NUBPL: variants seen among roughly 807,000 people sequenced by gnomAD.
NUBPL encodes the protein NUBP iron-sulfur cluster assembly factor, mitochondrial.
Under a neutral mutation model 45.7 loss-of-function variants are expected in NUBPL, and 31 were observed. The ratio of observed to expected loss-of-function variants is 0.68; its 90% CI spans 0.51 to 0.92. The LOEUF is 0.92. Ranked by LOEUF, NUBPL falls within the 40% of genes least tolerant of loss-of-function variation. NUBPL has a pLI of 0.00. For missense variants in NUBPL, 401 were observed against 398.7 expected, an observed-to-expected ratio of 1.01 and a Z score of -0.05; for synonymous variants, 144 against 140.9, an observed-to-expected ratio of 1.02 and a Z score of -0.15.
chr14:31,800,772 G>C (rs2138863428), intron 7 of NUBPL: 1 of 152,206 alleles, frequency 6.6e-6, no homozygotes, highest in African/African-American at 2.4e-5. Flanking sequence ...TTCAACTCTT[G>C]GAATTAAGTA....
chr14:31,667,075 C>A (rs2036449952), intron 4 of NUBPL, among the ~76,000 whole-genome samples: 1 of 152,030 alleles, frequency 6.6e-6, no homozygotes, highest in Non-Finnish European at 1.5e-5. Context: ...GTTTGTATTT[C>A]CTGAATTTGA....
chr14:31,639,552 G>T (rs2139691982), intron 4 of NUBPL, among the ~76,000 whole-genome samples: 1 of 152,290 alleles, frequency 6.6e-6, no homozygotes, highest in South Asian at 2.1e-4. Context: ...CACTTGAGGA[G>T]GCAGTCTGCC....
intron 6 of NUBPL, among the ~76,000 whole-genome samples, chr14:31,743,510 G>T (rs1404799821): frequency 6.6e-6 from 1 of 152,070 alleles, no homozygotes; most frequent in Non-Finnish European, 1.5e-5. Flanking sequence ...CTCTCAAGTA[G>T]CTGGGATTAC....
At chr14:31,758,678 A>C (rs930543453) in intron 6 of NUBPL, among the ~76,000 whole-genome samples, 15 of 152,342 alleles carry the variant, frequency 9.8e-5, no homozygotes, top group African/African-American at 3.4e-4. Flanking sequence ...GAAACACCTT[A>C]GAAATAAATG....
intron 4 of NUBPL, among the ~76,000 whole-genome samples, chr14:31,624,559 CTTTATTTA>C (rs998742075): frequency 2.0e-5 from 3 of 151,878 alleles, no homozygotes; most frequent in East Asian, 3.9e-4. Flanking sequence ...TGACTAAAGA[CTTTATTTA>C]TTTATTTATT....
At chr14:31,844,002 A>G (rs1316173204) in intron 8 of NUBPL, 1 of 152,226 alleles carries the variant, frequency 6.6e-6, no homozygotes, top group African/African-American at 2.4e-5. Context: ...AGTTACTGGC[A>G]TATATTAAGA....
intron 4 of NUBPL, among the ~76,000 whole-genome samples, chr14:31,667,345 T>C (rs1402672145): frequency 6.6e-6 from 1 of 151,956 alleles, no homozygotes; most frequent in South Asian, 2.1e-4. Context: ...TCAATTCGAC[T>C]ATTGATACTT....
At chr14:31,770,249 A>G (rs1595606223) in intron 6 of NUBPL, among the ~76,000 whole-genome samples, 1 of 152,160 alleles carries the variant, frequency 6.6e-6, no homozygotes, top group South Asian at 2.1e-4. Flanking sequence ...GAGTTTTATT[A>G]TTACTCATAT....
At chr14:31,789,759 A>C (rs562844523) in intron 7 of NUBPL, among the ~76,000 whole-genome samples, 1 of 152,276 alleles carries the variant, frequency 6.6e-6, no homozygotes, top group South Asian at 2.1e-4. Flanking sequence ...GTATAGCCTC[A>C]TTAATAGAGA....
At chr14:31,643,357 A>T (rs1384359415) in intron 4 of NUBPL, among the ~76,000 whole-genome samples, 1 of 152,128 alleles carries the variant, frequency 6.6e-6, no homozygotes, top group East Asian at 1.9e-4. Flanking sequence ...TTTTTATCAT[A>T]AAGGGATGTT....
intron 4 of NUBPL, 33 bp from the exon 5 acceptor site, chr14:31,673,322 T>A: frequency 6.5e-7 from 1 of 1,545,586 alleles, no homozygotes; most frequent in Non-Finnish European, 8.7e-7. Flanking sequence ...TGTGTTTTAT[T>A]GTTCTAAAAG....
intron 6 of NUBPL, among the ~76,000 whole-genome samples, chr14:31,674,438 A>C (rs1410376364): frequency 6.6e-6 from 1 of 152,096 alleles, no homozygotes; most frequent in East Asian, 1.9e-4. Flanking sequence ...TGCTGCTTGA[A>C]TTGTGATAAA....
chr14:31,788,484 T>C (rs1330425550), intron 7 of NUBPL, among the ~76,000 whole-genome samples: 1 of 152,198 alleles, frequency 6.6e-6, no homozygotes, highest in Non-Finnish European at 1.5e-5. Flanking sequence ...TCTCTTACTC[T>C]GAGTTGATGC....
At chr14:31,850,262 A>G in intron 10 of NUBPL, 61 bp downstream of exon 10, 1 of 1,309,776 alleles carries the variant, frequency 7.6e-7, no homozygotes, top group East Asian at 2.3e-5. Context: ...AAATACAGAA[A>G]GAAAGTTGGG....
Position 31,746,684 on chromosome 14 carries a change from G to C in NUBPL, c.514-41096G>C, listed in dbSNP as rs576791682. Among the ~76,000 whole-genome samples, 3 of 152,072 alleles carry C rather than the reference G, an allele frequency of 2.0e-5. 1 individual carries two copies. In the South Asian group the frequency reaches 6.2e-4, roughly 32 times the overall value. On this transcript the variant is annotated intron_variant, in intron 6 of 10. Coordinates refer to ENST00000281081, the MANE Select transcript of NUBPL (RefSeq NM_025152.3). The stretch of plus-strand genomic sequence containing the variant: ...CTTGTTTGGTTTTGGTATCAGAGTA[G>C]TGCTGATACCAGACTCATAGAATGA...
chr14:31,760,144 T>TGTGTGTGTGAGAGAGAGA lies in NUBPL; in HGVS notation c.514-27635_514-27634insTGTGTGTGAGAGAGAGAG. On this transcript the variant is annotated intron_variant, in intron 6 of 10. Coordinates refer to ENST00000281081, the MANE Select transcript of NUBPL (RefSeq NM_025152.3). ...TGACTTTAGTGTGTGTGTGTGTGTG[T>TGTGTGTGTGAGAGAGAGA]GAGAGAGAGAGAGAGAGAGAGAGAG... is the stretch of plus-strand genomic sequence containing the variant. Among the ~76,000 whole-genome samples, 22 of 34,842 alleles carry TGTGTGTGTGAGAGAGAGA rather than the reference T, an allele frequency of 6.3e-4. 1 individual carries two copies. Among genetic ancestry groups the TGTGTGTGTGAGAGAGAGA allele is most frequent in the African/African-American group, 1.7e-3 (16 of 9,258 alleles). The allele number at this position is 34,842 out of a possible 152,430, so 22.9% of individuals were successfully genotyped here.
intron 4 of NUBPL, among the ~76,000 whole-genome samples, chr14:31,623,571 G>A (rs911057076): frequency 6.6e-5 from 10 of 152,096 alleles, no homozygotes; most frequent in Non-Finnish European, 1.0e-4. Context: ...TAATGAGTGA[G>A]CCCCTGTCTC....
chr14:31,650,399 C>T (rs563059954), intron 4 of NUBPL, among the ~76,000 whole-genome samples: 2 of 151,222 alleles, frequency 1.3e-5, no homozygotes, highest in South Asian at 4.2e-4. Flanking sequence ...ACACCATTCT[C>T]CTGCCTCAGC....
At chr14:31,758,218 A>G (rs764813843) in intron 6 of NUBPL, among the ~76,000 whole-genome samples, 31 of 152,182 alleles carry the variant, frequency 2.0e-4, no homozygotes, top group Non-Finnish European at 4.0e-4. Flanking sequence ...ACTTCAAACA[A>G]GTACTTGGCA....
Sources: allele counts gnomAD v4.1 joint callset (sites outside exome capture counted in the v4.1 genomes callset), GRCh38; gene constraint gnomAD v4.1.1; transcripts MANE v1.5; gene names NCBI Gene and HGNC (gene_info 2026-07-23, HGNC 2026-07-21).